Variants in ARHGAP42 observed in about 807,000 individuals in gnomAD.
ARHGAP42 encodes the protein rho GTPase-activating protein 42.
In ARHGAP42, 63 loss-of-function variants were observed where a neutral mutation model predicts 125.0. The observed-to-expected ratio is 0.50, with a 90% confidence interval of 0.41 to 0.62. The LOEUF is 0.62. ARHGAP42 is among the 20% of genes least tolerant of loss of function. The pLI is 0.00. For missense variants in ARHGAP42, 766 were observed against 1,024.2 expected (o/e 0.75, Z 3.44); for synonymous variants, 339 against 351.0 (o/e 0.97, Z 0.38).
intron 1 of ARHGAP42, among the ~76,000 whole-genome samples, chr11:100,738,982 A>T (rs1384712542): frequency 6.6e-6 from 1 of 152,184 alleles, no homozygotes; most frequent in African/African-American, 2.4e-5. Flanking sequence ...TGTATTTCAG[A>T]ACTTAGGAAA....
chr11:100,907,930 A>G (rs760906978), intron 4 of ARHGAP42, among the ~76,000 whole-genome samples: 29 of 152,314 alleles, frequency 1.9e-4, no homozygotes, highest in Non-Finnish European at 3.8e-4. Context: ...AGGATTTCTC[A>G]AAGTAGTGCT....
chr11:100,715,029 A>T (rs1182374806), intron 1 of ARHGAP42, among the ~76,000 whole-genome samples: 1 of 129,812 alleles, frequency 7.7e-6, no homozygotes, highest in Non-Finnish European at 1.6e-5. Context: ...AGGCTGGGCG[A>T]TGCAGTGAAA....
At position 100,804,360 on chromosome 11, in the gene ARHGAP42, CA is replaced by C. The variant is rs970084968; in HGVS notation, c.312+9203del. ...TAGCTGTCTGGGTATTATTTTGGGA[CA>C]AAAAAAAATTATAGGAGGACTTAGA... On this transcript the variant is annotated intron_variant, in intron 3 of 23. Transcript: ENST00000298815. Among the ~76,000 whole-genome samples, 145 of 148,594 alleles carry C rather than the reference CA, an allele frequency of 9.8e-4. 1 individual carries two copies. The highest frequency in any genetic ancestry group is 3.4e-3 in the African/African-American group (138 of 40,224).
At chr11:100,963,024 T>A (rs1045871680) in intron 16 of ARHGAP42, among the ~76,000 whole-genome samples, 1 of 152,242 alleles carries the variant, frequency 6.6e-6, no homozygotes, top group Admixed American at 6.5e-5. Context: ...TAAAGAACCA[T>A]GAGGAATTAT....
chr11:100,705,977 CTTTT>C (rs34731514), intron 1 of ARHGAP42, among the ~76,000 whole-genome samples: 1 of 112,058 alleles, frequency 8.9e-6, no homozygotes, highest in Non-Finnish European at 1.8e-5. Context: ...AGTTAAGTAA[CTTTT>C]TTTTTTTTTT....
chr11:100,956,597 ATATAATCT>A (rs1453887165), intron 12 of ARHGAP42, among the ~76,000 whole-genome samples: 1 of 2,360 alleles, frequency 4.2e-4, no homozygotes, highest in African/African-American at 2.0e-3. Context: ...GTGCTGAGAA[ATATAATCT>A]TCTTGCAGGG....
chr11:100,822,664 T>C (rs1313754217), intron 3 of ARHGAP42, among the ~76,000 whole-genome samples: 2 of 152,186 alleles, frequency 1.3e-5, no homozygotes, highest in Non-Finnish European at 2.9e-5. Flanking sequence ...AGTGATATTC[T>C]ATCATTATAG....
At chr11:100,866,693 A>G (rs906643240) in intron 4 of ARHGAP42, among the ~76,000 whole-genome samples, 4 of 152,140 alleles carry the variant, frequency 2.6e-5, no homozygotes, top group Non-Finnish European at 4.4e-5. Flanking sequence ...ACCAGATCCC[A>G]TGAGAGCTCA....
At chr11:100,708,662 T>G (rs1861515139) in intron 1 of ARHGAP42, among the ~76,000 whole-genome samples, 1 of 152,204 alleles carries the variant, frequency 6.6e-6, no homozygotes, top group Non-Finnish European at 1.5e-5. Context: ...TCTGGCTTTC[T>G]ATGATGATAA....
intron 3 of ARHGAP42, among the ~76,000 whole-genome samples, chr11:100,843,498 AG>A (rs781119622): frequency 1.1e-4 from 16 of 152,154 alleles, no homozygotes; most frequent in Non-Finnish European, 1.9e-4. Flanking sequence ...AAATAGGTAA[AG>A]AAGAAATCAA....
intron 5 of ARHGAP42, among the ~76,000 whole-genome samples, chr11:100,918,140 ATT>A (rs5794079): frequency 6.6e-6 from 1 of 151,868 alleles, no homozygotes; most frequent in African/African-American, 2.4e-5. Context: ...CACTCATTTT[ATT>A]TTTTTCTGCC....
intron 1 of ARHGAP42, among the ~76,000 whole-genome samples, chr11:100,748,248 G>A (rs11824432): frequency 0.26 from 40,205 of 152,112 alleles, 5,491 homozygotes; most frequent in Middle Eastern, 0.29. Flanking sequence ...AGTACTTTAA[G>A]GCTTAGCTGA....
intron 1 of ARHGAP42, among the ~76,000 whole-genome samples, chr11:100,767,906 T>A (rs548950575): frequency 6.6e-6 from 1 of 152,184 alleles, no homozygotes; most frequent in African/African-American, 2.4e-5. Flanking sequence ...AAGAAAAGCC[T>A]GTCTGAAATT....
chr11:100,727,243 G>A (rs7952055), intron 1 of ARHGAP42, among the ~76,000 whole-genome samples: 85,652 of 152,104 alleles, frequency 0.56, 24,557 homozygotes, highest in African/African-American at 0.69. Context: ...GCTAAAATAT[G>A]AAATTTGCAT....
At position 100,911,418 on chromosome 11, in the gene ARHGAP42, G is replaced by A. The variant is rs184192151; in HGVS notation, c.385-2034G>A. ...TAACTATATGAGCATTCAAAAAGGAGAGAGTTGAAAGAAGGGAATTATGAA... is the reference window on the plus strand; with the variant it reads ...TAACTATATGAGCATTCAAAAAGGAAAGAGTTGAAAGAAGGGAATTATGAA... On this transcript the variant is annotated intron_variant, in intron 4 of 23. Coordinates refer to ENST00000298815, the MANE Select transcript of ARHGAP42 (RefSeq NM_152432.4). 6.2e-4 allele frequency among the ~76,000 whole-genome samples: 95 copies of A among 152,250 alleles called. 1 individual carries two copies. The highest frequency in any genetic ancestry group is 3.4e-3 in the Middle Eastern group (1 of 294).
At chr11:100,828,382 A>G (rs543883825) in intron 3 of ARHGAP42, among the ~76,000 whole-genome samples, 1 of 152,156 alleles carries the variant, frequency 6.6e-6, no homozygotes, top group Non-Finnish European at 1.5e-5. Context: ...AATTGCTGCT[A>G]TACATGCTGT....
intron 4 of ARHGAP42, among the ~76,000 whole-genome samples, chr11:100,862,909 T>C (rs1865477450): frequency 6.6e-6 from 1 of 151,686 alleles, no homozygotes; most frequent in African/African-American, 2.4e-5. Context: ...GGGTGGTGCA[T>C]GCCTGTAATC....
At chr11:100,727,904 A>G (rs937633248) in intron 1 of ARHGAP42, among the ~76,000 whole-genome samples, 1 of 152,180 alleles carries the variant, frequency 6.6e-6, no homozygotes, top group Non-Finnish European at 1.5e-5. Context: ...GGATAACCTA[A>G]GGCCCTACTA....
chr11:100,960,909 T>C lies in ARHGAP42; in HGVS notation c.1226-6T>C. On this transcript the variant is annotated splice_region_variant and splice_polypyrimidine_tract_variant and intron_variant, in intron 13 of 23. Coordinates refer to ENST00000298815, the MANE Select transcript of ARHGAP42 (RefSeq NM_152432.4). ...GCCGTTTTCTTGTGATTTTCCTTCC[T>C]ATTAGGTATCACCATTTTAGGACTC... 6.6e-7 allele frequency: 1 copy of C among 1,513,580 alleles called. No homozygotes were observed. Among genetic ancestry groups the C allele is most frequent in the Non-Finnish European group, 8.9e-7 (1 of 1,126,272 alleles). 93.8% of individuals were successfully genotyped at this position (1,513,580 alleles called of 1,614,324 possible).
Sources: gnomAD v4.1 joint callset for allele counts (sites outside exome capture counted in the v4.1 genomes callset) on GRCh38, gnomAD v4.1.1 for gene constraint, MANE v1.5 for transcripts, NCBI Gene and HGNC (gene_info 2026-07-23, HGNC 2026-07-21) for gene names.